The following CWF19L1 variants were observed in gnomAD, a reference collection of about 807,000 sequenced individuals.
CWF19L1 encodes the protein CWF19-like protein 1.
A neutral mutation model predicts 69.7 loss-of-function variants in CWF19L1; 60 were observed. That is an observed-to-expected ratio of 0.86 (90% CI 0.70 to 1.07). CWF19L1 has a LOEUF of 1.07. Ranked by LOEUF, CWF19L1 falls within the 50% of genes least tolerant of loss-of-function variation. CWF19L1 has a pLI of 0.00. For synonymous variants in CWF19L1, 209 were observed against 222.2 expected, an observed-to-expected ratio of 0.94 and a Z score of 0.53; for missense variants, 591 against 638.9, an observed-to-expected ratio of 0.92 and a Z score of 0.81.
In CWF19L1 at chr10:100,250,319, G is replaced by A. The variant is rs1289328295; in HGVS notation, c.637C>T (p.Leu213=). The stretch of plus-strand genomic sequence containing the variant: ...GTGGCATGCTGTGCATTTTCCTGTA[G>A]AATGATATGGTTTCTACAACATATT... ...ERLPYRNHII[L]QENAQHATRF... The change falls in exon 7 of 14, where the codon CTA becomes TTA. Residue 213 remains leucine, a synonymous_variant. Coordinates refer to ENST00000354105, the MANE Select transcript of CWF19L1 (RefSeq NM_018294.6). The A allele has an allele frequency of 2.5e-6, 4 of 1,608,232 alleles. No homozygotes were observed. Among genetic ancestry groups the A allele is most frequent in the Non-Finnish European group, 3.4e-6 (4 of 1,175,004 alleles).
chr10:100,243,638 A>G, intron 10 of CWF19L1, 60 bp downstream of exon 10: 1 of 1,391,188 alleles, frequency 7.2e-7, no homozygotes, highest in Non-Finnish European at 1.0e-6. Flanking sequence ...ATGCCTCAAT[A>G]AAGTTAATAA....
intron 10 of CWF19L1, among the ~76,000 whole-genome samples, chr10:100,242,708 G>GC (rs1204976402): frequency 6.6e-6 from 1 of 151,380 alleles, no homozygotes; most frequent in Non-Finnish European, 1.5e-5. Context: ...TAAGGCTCTA[G>GC]TTTCTGAATC....
At chr10:100,237,346 C>A in intron 11 of CWF19L1, 1 of 455,954 alleles carries the variant, frequency 2.2e-6, no homozygotes. Flanking sequence ...TAGCCCCATG[C>A]AGGCTTTGAG....
chr10:100,247,386 T>C (rs1179623414), intron 7 of CWF19L1, among the ~76,000 whole-genome samples: 1 of 152,222 alleles, frequency 6.6e-6, no homozygotes, highest in Non-Finnish European at 1.5e-5. Flanking sequence ...TCTGATATTA[T>C]ACAAATTCTG....
At chr10:100,260,846 A>T in intron 3 of CWF19L1, 120 bp downstream of exon 3, 2 of 703,564 alleles carry the variant, frequency 2.8e-6, no homozygotes, top group Non-Finnish European at 4.7e-6. Context: ...AAAGCAACTT[A>T]AATTCTTAAA....
At chr10:100,258,874 A>T (rs7896703) in intron 4 of CWF19L1, among the ~76,000 whole-genome samples, 9,376 of 150,620 alleles carry the variant, frequency 0.062, 338 homozygotes, top group African/African-American at 0.096. Context: ...AAGACCAACA[A>T]GGAGGAAATG....
intron 10 of CWF19L1, among the ~76,000 whole-genome samples, chr10:100,240,897 T>C (rs1194941832): frequency 6.6e-6 from 1 of 152,106 alleles, no homozygotes; most frequent in African/African-American, 2.4e-5. Context: ...TTTGCTCTTA[T>C]TCCACTGAAG....
At chr10:100,267,336 G>C in intron 1 of CWF19L1, 2 of 731,212 alleles carry the variant, frequency 2.7e-6, no homozygotes, top group Non-Finnish European at 3.3e-6. Context: ...CTAACTCTGG[G>C]AGCTTCCGCC....
intron 12 of CWF19L1, 59 bp downstream of exon 12, chr10:100,236,791 A>C: frequency 6.5e-7 from 1 of 1,528,626 alleles, no homozygotes; most frequent in Non-Finnish European, 8.8e-7. Context: ...CAAACAACAA[A>C]CAACAACAAA....
At position 100,244,557 on chromosome 10, in the gene CWF19L1, G is replaced by A. The variant is rs376948027; in HGVS notation, c.965-780C>T. ...TTTTTAGTACAGACGGGGTTTCACC[G>A]TGTTAGCCAGGATGGTCTCGATCTC... On this transcript the variant is annotated intron_variant, in intron 9 of 13. Transcript: ENST00000354105. 1.8e-4 allele frequency among the ~76,000 whole-genome samples: 28 copies of A among 152,116 alleles called. No homozygotes were observed. The East Asian group carries it at 2.1e-3, about 12-fold the overall frequency.
intron 7 of CWF19L1, 72 bp downstream of exon 7, chr10:100,250,175 TA>T: frequency 9.5e-7 from 1 of 1,050,016 alleles, no homozygotes. Flanking sequence ...ATCTGAATGC[TA>T]AACTGGACAA....
chr10:100,264,571 GTATGC>G lies in CWF19L1; in HGVS notation c.24-2513_24-2509del, dbSNP rs1225335338. Among the ~76,000 whole-genome samples the G allele has an allele frequency of 8.8e-5, 13 of 147,156 alleles. No homozygotes were observed. The Admixed American group carries it at 8.9e-4, about 10-fold the overall frequency. The stretch of plus-strand genomic sequence containing the variant: ...AAAAAAAAAAAATATATTCAGTATG[GTATGC>G]TCTTTACTGTTTAGAGTACACTCCT... On this transcript the variant is annotated intron_variant, in intron 1 of 13. Coordinates refer to ENST00000354105, the MANE Select transcript of CWF19L1 (RefSeq NM_018294.6).
intron 7 of CWF19L1, among the ~76,000 whole-genome samples, chr10:100,249,508 G>A (rs1846950149): frequency 6.6e-6 from 1 of 152,102 alleles, no homozygotes; most frequent in South Asian, 2.1e-4. Flanking sequence ...CCAATACAAA[G>A]ATAGATTCCA....
At chr10:100,266,523 C>A (rs1393743673) in intron 1 of CWF19L1, among the ~76,000 whole-genome samples, 2 of 148,208 alleles carry the variant, frequency 1.3e-5, no homozygotes, top group East Asian at 4.1e-4. Flanking sequence ...TATCTGAATT[C>A]CTTTTTTTTT....
intron 3 of CWF19L1, 31 bp downstream of exon 3, chr10:100,260,935 A>C (rs1326997881): frequency 4.3e-6 from 6 of 1,381,452 alleles, no homozygotes; most frequent in Non-Finnish European, 6.0e-6. Context: ...TTTATTAGAA[A>C]TCATATGTTA....
intron 7 of CWF19L1, among the ~76,000 whole-genome samples, chr10:100,249,565 T>A (rs1314650253): frequency 6.6e-6 from 1 of 152,254 alleles, no homozygotes; most frequent in Non-Finnish European, 1.5e-5. Flanking sequence ...TAAGGAGAGC[T>A]TAGGTAAGTC....
chr10:100,262,521 C>T, intron 1 of CWF19L1: 1 of 947,060 alleles, frequency 1.1e-6, no homozygotes, highest in Non-Finnish European at 1.3e-6. Flanking sequence ...GGACACCTAC[C>T]ATACGCTAAG....
At chr10:100,234,421 G>A (rs1846366992) in intron 13 of CWF19L1, among the ~76,000 whole-genome samples, 2 of 152,120 alleles carry the variant, frequency 1.3e-5, no homozygotes, top group African/African-American at 2.4e-5. Context: ...TCTTCTTTTT[G>A]TGTGCTTTAT....
In CWF19L1 at chr10:100,233,164, A is replaced by G; in HGVS notation, c.*63T>C. On this transcript the variant is annotated 3_prime_UTR_variant, in exon 14 of 14. Coordinates refer to ENST00000354105, the MANE Select transcript of CWF19L1 (RefSeq NM_018294.6). ...CTTTGTCTCAAAAAAAATTCTTTTA[A>G]TTAAAAAAAAAAAAAAGCTTTACTA... 6.8e-7 allele frequency: 1 copy of G among 1,470,928 alleles called. No homozygotes were observed. The highest frequency in any genetic ancestry group is 9.1e-7 in the Non-Finnish European group (1 of 1,097,732). The allele number at this position is 1,470,928 out of a possible 1,614,324, so 91.1% of individuals were successfully genotyped here.
Sources: gnomAD v4.1 joint callset for allele counts (sites outside exome capture counted in the v4.1 genomes callset) on GRCh38, gnomAD v4.1.1 for gene constraint, MANE v1.5 for transcripts, NCBI Gene and HGNC (gene_info 2026-07-23, HGNC 2026-07-21) for gene names.